Variants in DIAPH2 observed in about 807,000 individuals in gnomAD.
DIAPH2 encodes the protein protein diaphanous homolog 2.
A neutral mutation model predicts 92.7 loss-of-function variants in DIAPH2; 35 were observed. The observed-to-expected ratio is 0.38, with a 90% CI of 0.29 to 0.50. The LOEUF (loss-of-function observed/expected upper bound fraction) is 0.50, where lower values mean the gene tolerates loss of function less well. DIAPH2 is among the 20% of genes least tolerant of loss of function. The pLI is 0.94. For missense variants in DIAPH2, 701 were observed against 819.5 expected, an observed-to-expected ratio of 0.86 and a Z score of 1.77; for synonymous variants, 301 against 280.4, an observed-to-expected ratio of 1.07 and a Z score of -0.73.
intron 21 of DIAPH2, among the ~76,000 whole-genome samples, chrX:97,128,736 C>T (rs1050905253): frequency 1.8e-5 from 2 of 112,410 alleles, no homozygotes; most frequent in Non-Finnish European, 3.7e-5. Context: ...ATGGTTTCGC[C>T]TTCTTCTAGA....
chrX:97,021,830 G>A (rs73551255), intron 17 of DIAPH2, among the ~76,000 whole-genome samples: 113 of 111,630 alleles, frequency 1.0e-3, no homozygotes, highest in African/African-American at 3.4e-3. Context: ...TCAGGAAACA[G>A]TGACTAAGCA....
At chrX:97,448,138 C>T (rs2070328676) in intron 26 of DIAPH2, among the ~76,000 whole-genome samples, 1 of 111,984 alleles carries the variant, frequency 8.9e-6, no homozygotes, top group African/African-American at 3.2e-5. Flanking sequence ...CTAAAAGCTA[C>T]TACCACTTGT....
intron 17 of DIAPH2, among the ~76,000 whole-genome samples, chrX:96,985,622 G>A (rs1003684318): frequency 2.7e-5 from 3 of 110,669 alleles, no homozygotes; most frequent in African/African-American, 9.8e-5. Flanking sequence ...GTAAAAGGCC[G>A]AGGATTCTAA....
intron 26 of DIAPH2, among the ~76,000 whole-genome samples, chrX:97,597,759 T>G: frequency 8.9e-6 from 1 of 112,083 alleles, no homozygotes. Context: ...GAATGTTATC[T>G]TCACATTTTT....
intron 1 of DIAPH2, among the ~76,000 whole-genome samples, chrX:96,695,671 C>T (rs192526853): frequency 1.8e-5 from 2 of 111,716 alleles, no homozygotes; most frequent in East Asian, 5.6e-4. Context: ...TGTTACAAAT[C>T]CCTACTTTCA....
intron 4 of DIAPH2, among the ~76,000 whole-genome samples, chrX:96,842,739 T>C (rs927801828): frequency 9.0e-6 from 1 of 110,999 alleles, no homozygotes; most frequent in African/African-American, 3.3e-5. Context: ...AATCCAGGTA[T>C]GACTGAAGAG....
chrX:96,767,848 T>C (rs1416659694), intron 4 of DIAPH2, among the ~76,000 whole-genome samples: 1 of 111,849 alleles, frequency 8.9e-6, no homozygotes, highest in Non-Finnish European at 1.9e-5. Context: ...CAAGTTAATA[T>C]TGACAAGATT....
At chrX:97,020,046 T>C (rs1282501127) in intron 17 of DIAPH2, among the ~76,000 whole-genome samples, 1 of 112,474 alleles carries the variant, frequency 8.9e-6, no homozygotes, top group Non-Finnish European at 1.9e-5. Context: ...TTAAAAAAAA[T>C]CCTAAAGGAC....
At chrX:97,287,290 G>A (rs908454449) in intron 23 of DIAPH2, among the ~76,000 whole-genome samples, 1 of 108,772 alleles carries the variant, frequency 9.2e-6, no homozygotes, top group Non-Finnish European at 1.9e-5. Flanking sequence ...GGGCAACAGA[G>A]TGAAACTCCG....
chrX:97,591,825 T>G (rs1263605951), intron 26 of DIAPH2, among the ~76,000 whole-genome samples: 1 of 112,179 alleles, frequency 8.9e-6, no homozygotes, highest in Non-Finnish European at 1.9e-5. Context: ...ACGACCCAAT[T>G]GCATTCTCTA....
At chrX:96,792,225 A>G (rs6615864) in intron 4 of DIAPH2, among the ~76,000 whole-genome samples, 11,575 of 111,591 alleles carry the variant, frequency 0.1, 544 homozygotes, top group East Asian at 0.32. Context: ...ATGGTTTTGT[A>G]CAGTTATACT....
chrX:97,347,492 A>G (rs2069169318), intron 23 of DIAPH2, among the ~76,000 whole-genome samples: 1 of 110,802 alleles, frequency 9.0e-6, no homozygotes, highest in East Asian at 2.8e-4. Context: ...ACTGTTTTCT[A>G]CCTTACTCAT....
chrX:97,441,357 G>T (rs1407235829), intron 26 of DIAPH2, among the ~76,000 whole-genome samples: 1 of 110,303 alleles, frequency 9.1e-6, no homozygotes, highest in Non-Finnish European at 1.9e-5. Context: ...AAAAAAAAAG[G>T]AGTAGAAGTC....
chrX:96,810,011 A>G (rs985433350), intron 4 of DIAPH2, among the ~76,000 whole-genome samples: 3 of 112,482 alleles, frequency 2.7e-5, no homozygotes, highest in African/African-American at 9.7e-5. Flanking sequence ...AGCATGATTT[A>G]TAATCCTTTG....
intron 4 of DIAPH2, among the ~76,000 whole-genome samples, chrX:96,864,636 A>G (rs1329205820): frequency 8.9e-6 from 1 of 111,798 alleles, no homozygotes; most frequent in African/African-American, 3.3e-5. Context: ...AAATTGCATT[A>G]CTGTGTTAAA....
At chrX:97,509,035 A>ATTTATTTG (rs1556170836) in intron 26 of DIAPH2, among the ~76,000 whole-genome samples, 1 of 103,442 alleles carries the variant, frequency 9.7e-6, no homozygotes, top group East Asian at 2.9e-4. Context: ...TTATTTATTT[A>ATTTATTTG]TTTATTTATT....
At chrX:96,854,622 T>C (rs1290722221) in intron 4 of DIAPH2, among the ~76,000 whole-genome samples, 1 of 74,761 alleles carries the variant, frequency 1.3e-5, no homozygotes, top group African/African-American at 5.2e-5. Flanking sequence ...TATATATATA[T>C]ATATATATAT....
At chrX:97,153,585 C>CA (rs1337856095) in intron 22 of DIAPH2, among the ~76,000 whole-genome samples, 4 of 110,612 alleles carry the variant, frequency 3.6e-5, no homozygotes, top group South Asian at 3.8e-4. Context: ...AACTCTGTCT[C>CA]AAAAAAACAA....
intron 23 of DIAPH2, among the ~76,000 whole-genome samples, chrX:97,332,555 T>C (rs2069010929): frequency 8.9e-6 from 1 of 111,980 alleles, no homozygotes; most frequent in Non-Finnish European, 1.9e-5. Flanking sequence ...CTATCTATAA[T>C]TCAGTATAAT....
Sources: gnomAD v4.1 joint callset for allele counts (sites outside exome capture counted in the v4.1 genomes callset) on GRCh38, gnomAD v4.1.1 for gene constraint, MANE v1.5 for transcripts, NCBI Gene and HGNC (gene_info 2026-07-23, HGNC 2026-07-21) for gene names.